The following CHD2 variants were observed in gnomAD, a reference collection of about 807,000 sequenced individuals.
CHD2 encodes chromodomain helicase DNA binding protein 2, also known as ATP-dependent chromatin remodeler CHD2.
CHD2 carries 28 observed loss-of-function variants against 243.9 expected under a neutral mutation model. That is an observed-to-expected ratio of 0.11 (90% CI 0.09 to 0.16). CHD2 has a LOEUF of 0.16. Among genes scored for constraint, CHD2 ranks in the 10% least tolerant of loss-of-function variants. The pLI, the probability that CHD2 is intolerant of heterozygous loss-of-function variation, is 1.00. For synonymous variants in CHD2, 775 were observed against 779.0 expected (o/e 0.99, Z 0.09); for missense variants, 1,386 against 2,209.8 (o/e 0.63, Z 7.47).
At chr15:92,926,321 G>C (rs2053061049) in intron 3 of CHD2, among the ~76,000 whole-genome samples, 2 of 152,110 alleles carry the variant, frequency 1.3e-5, no homozygotes, top group Non-Finnish European at 2.9e-5. Flanking sequence ...TGCATGTTCT[G>C]AACCTTACTT....
chr15:92,944,470 G>A lies in CHD2; in HGVS notation c.1108G>A (p.Ala370Thr). 1 of 1,610,626 alleles carries A rather than the reference G, an allele frequency of 6.2e-7. No individual in the cohort carries two copies. The highest frequency in any genetic ancestry group is 8.5e-7 in the Non-Finnish European group (1 of 1,177,468). The change falls in exon 10 of 39, where the codon GCT (alanine) becomes ACT (threonine). Residue 370 changes from alanine to threonine, a missense_variant. Physicochemically the swap from Ala to Thr is moderately conservative, Grantham distance 58. Transcript: ENST00000394196. ...ATATTTCAATTGCCAACAGGAGCTGGCTTCAGAGTTGAATAAACAGTATCA... is the reference window on the plus strand; with the variant it reads ...ATATTTCAATTGCCAACAGGAGCTGACTTCAGAGTTGAATAAACAGTATCA... ...VEYFNCQQEL[A>T]SELNKQYQIV...
intron 36 of CHD2, 93 bp downstream of exon 36, chr15:93,012,537 C>T: frequency 1.2e-6 from 1 of 826,788 alleles, no homozygotes; most frequent in South Asian, 1.7e-5. Flanking sequence ...GAGATGATCA[C>T]AGAATCATGG....
intron 16 of CHD2, among the ~76,000 whole-genome samples, chr15:92,967,063 A>AGAT (rs2053774862): frequency 1.3e-5 from 2 of 152,312 alleles, no homozygotes; most frequent in South Asian, 4.1e-4. Context: ...GAGTAGTTCT[A>AGAT]GATGATGTTG....
intron 13 of CHD2, among the ~76,000 whole-genome samples, chr15:92,951,330 C>T (rs533738786): frequency 6.6e-6 from 1 of 152,206 alleles, no homozygotes; most frequent in East Asian, 1.9e-4. Flanking sequence ...ACCACCATGC[C>T]TGGCTAATTT....
intron 3 of CHD2, among the ~76,000 whole-genome samples, chr15:92,924,958 G>A (rs1016123636): frequency 6.6e-6 from 1 of 151,962 alleles, no homozygotes; most frequent in Non-Finnish European, 1.5e-5. Context: ...CTGCCACCAC[G>A]CCCAGCTAAT....
At chr15:92,904,682 A>G (rs968536418) in intron 2 of CHD2, 113 of 1,343,108 alleles carry the variant, frequency 8.4e-5, no homozygotes, top group African/African-American at 1.5e-4. Context: ...TGCAGGCACT[A>G]TTTATAAATT....
At chr15:92,990,727 T>A (rs2054106914) in intron 26 of CHD2, among the ~76,000 whole-genome samples, 1 of 152,242 alleles carries the variant, frequency 6.6e-6, no homozygotes, top group Non-Finnish European at 1.5e-5. Flanking sequence ...TGTCCTTACA[T>A]GGTTATATAA....
chr15:92,927,288 C>T lies in CHD2; in HGVS notation c.339C>T (p.Asn113=), dbSNP rs1290199789. ...ATGTTTATGGGGTCAGGCGGTCAAA[C>T]CGAAGCAGACAAGAACCATCGCGAT... The part of the protein sequence containing the change: ...YPDVYGVRRS[N]RSRQEPSRFN... Residue 113 remains asparagine (N), a synonymous_variant, in exon 4 of 39, where the codon AAC becomes AAT. Coordinates refer to ENST00000394196, the MANE Select transcript of CHD2 (RefSeq NM_001271.4). 2 of 1,613,570 alleles carry T rather than the reference C, an allele frequency of 1.2e-6. No homozygotes were observed. The highest frequency in any genetic ancestry group is 3.3e-5 in the Admixed American group (2 of 59,968).
intron 24 of CHD2, 22 bp downstream of exon 24, chr15:92,981,479 A>G: frequency 6.4e-7 from 1 of 1,569,364 alleles, no homozygotes. Context: ...TTTGTGGGAG[A>G]GAGTTCTCAG....
intron 25 of CHD2, 52 bp downstream of exon 25, chr15:92,984,552 A>G (rs1487665194): frequency 3.3e-6 from 5 of 1,505,832 alleles, no homozygotes; most frequent in Non-Finnish European, 4.5e-6. Flanking sequence ...TGTGAATGCT[A>G]CAGAAGTGTT....
intron 2 of CHD2, among the ~76,000 whole-genome samples, chr15:92,905,706 C>T (rs1202570821): frequency 6.6e-6 from 1 of 152,158 alleles, no homozygotes; most frequent in African/African-American, 2.4e-5. Flanking sequence ...TGAAAACTAG[C>T]TGAAATTGCT....
intron 2 of CHD2, 31 bp downstream of exon 2, chr15:92,901,330 CTT>C (rs769211092): frequency 7.7e-6 from 11 of 1,422,492 alleles, no homozygotes; most frequent in Non-Finnish European, 8.8e-6. Flanking sequence ...TCCTTTTTGT[CTT>C]TTTTTTTGGG....
chr15:92,912,101 T>C (rs2052747129), intron 2 of CHD2, among the ~76,000 whole-genome samples: 1 of 152,220 alleles, frequency 6.6e-6, no homozygotes. Flanking sequence ...ACATGAACTT[T>C]GGATTTGGCC....
chr15:93,008,165 G>T (rs60635695), intron 34 of CHD2, among the ~76,000 whole-genome samples: 2 of 152,212 alleles, frequency 1.3e-5, no homozygotes, highest in Non-Finnish European at 1.5e-5. Flanking sequence ...TCTCCAGAGC[G>T]TGAAGGCCTG....
chr15:92,918,814 T>C (rs553749500), intron 2 of CHD2, among the ~76,000 whole-genome samples: 2 of 151,526 alleles, frequency 1.3e-5, no homozygotes, highest in African/African-American at 4.9e-5. Flanking sequence ...CACACATATA[T>C]ACACATATAC....
At chr15:92,954,853 G>T (rs997865687) in intron 14 of CHD2, among the ~76,000 whole-genome samples, 2 of 152,102 alleles carry the variant, frequency 1.3e-5, no homozygotes, top group Non-Finnish European at 2.9e-5. Flanking sequence ...ATGAGTCTTC[G>T]TGCTTGCTGA....
chr15:92,954,920 G>T (rs560083145), intron 14 of CHD2, among the ~76,000 whole-genome samples: 2 of 152,218 alleles, frequency 1.3e-5, no homozygotes, highest in South Asian at 4.1e-4. Context: ...TTACATTGAC[G>T]TTATTATACG....
chr15:92,982,850 A>C (rs1436496100), intron 24 of CHD2, among the ~76,000 whole-genome samples: 1 of 152,114 alleles, frequency 6.6e-6, no homozygotes, highest in African/African-American at 2.4e-5. Context: ...AGAAGGGGGA[A>C]GGTGATTTAT....
chr15:93,026,040 G>A lies in CHD2; in HGVS notation c.*1335G>A, dbSNP rs910774135. On this transcript the variant is annotated 3_prime_UTR_variant, in exon 39 of 39. Coordinates refer to ENST00000394196, the MANE Select transcript of CHD2 (RefSeq NM_001271.4). Reference sequence around the variant, plus strand: ...GAGCTATAGATAGTAAAAATCATACGAGAGTTGAACTGAGTCAGGTTTAGG... The same window carrying A: ...GAGCTATAGATAGTAAAAATCATACAAGAGTTGAACTGAGTCAGGTTTAGG... 1 of 152,636 alleles carries A rather than the reference G, an allele frequency of 6.6e-6. No homozygotes were observed. Among genetic ancestry groups the A allele is most frequent in the African/African-American group, 2.4e-5 (1 of 41,442 alleles). 9.5% of individuals were successfully genotyped at this position (152,636 alleles called of 1,614,324 possible).
Sources: allele counts gnomAD v4.1 joint callset (sites outside exome capture counted in the v4.1 genomes callset), GRCh38; gene constraint gnomAD v4.1.1; transcripts MANE v1.5; gene names NCBI Gene and HGNC (gene_info 2026-07-23, HGNC 2026-07-21).